Variants in SEPTIN14 observed in about 807,000 individuals in gnomAD.
SEPTIN14 encodes septin 14.
In SEPTIN14, 40 loss-of-function variants were observed where a neutral mutation model predicts 53.6. That is an observed-to-expected ratio of 0.75 (90% CI 0.58 to 0.97). The LOEUF (loss-of-function observed/expected upper bound fraction) is 0.97. SEPTIN14 is among the 50% of genes least tolerant of loss of function. The pLI is 0.00. For missense variants in SEPTIN14, 471 were observed against 508.2 expected, an observed-to-expected ratio of 0.93 and a Z score of 0.70; for synonymous variants, 138 against 166.8, an observed-to-expected ratio of 0.83 and a Z score of 1.33.
At chr7:55,817,618 C>T (rs1375473122) in intron 7 of SEPTIN14, among the ~76,000 whole-genome samples, 9 of 151,668 alleles carry the variant, frequency 5.9e-5, no homozygotes, top group African/African-American at 1.9e-4. Flanking sequence ...TACAGGTGCC[C>T]GCCACCATGC....
intron 2 of SEPTIN14, among the ~76,000 whole-genome samples, chr7:55,856,807 T>A (rs1032558954): frequency 6.6e-6 from 1 of 151,860 alleles, no homozygotes; most frequent in Non-Finnish European, 1.5e-5. Flanking sequence ...GTGTGGTGGC[T>A]CACACCCATA....
chr7:55,835,103 A>G (rs1261541910), intron 5 of SEPTIN14, among the ~76,000 whole-genome samples: 1 of 152,150 alleles, frequency 6.6e-6, no homozygotes, highest in Non-Finnish European at 1.5e-5. Context: ...AGAAGTCTCA[A>G]CCTTGTTTCT....
Position 55,836,501 on chromosome 7 carries a change from G to T in SEPTIN14, c.559-1915C>A, listed in dbSNP as rs553394719. Reference sequence around the variant, plus strand: ...CGCCTGTAATCCCAGCACTTTGGGAGGCCAAGACTGGCAGATCACCTGGGG... The same window carrying T: ...CGCCTGTAATCCCAGCACTTTGGGATGCCAAGACTGGCAGATCACCTGGGG... On this transcript the variant is annotated intron_variant, in intron 5 of 9. Coordinates refer to ENST00000388975, the MANE Select transcript of SEPTIN14 (RefSeq NM_207366.3). Among the ~76,000 whole-genome samples the T allele has an allele frequency of 2.0e-5, 3 of 152,314 alleles. No individual in the cohort carries two copies. The South Asian group carries it at 6.2e-4, about 32-fold the overall frequency.
intron 2 of SEPTIN14, among the ~76,000 whole-genome samples, chr7:55,848,564 G>A (rs1789463059): frequency 6.6e-6 from 1 of 151,626 alleles, no homozygotes; most frequent in Non-Finnish European, 1.5e-5. Context: ...CCAAAGGGCT[G>A]GGATTACAAG....
intron 5 of SEPTIN14, among the ~76,000 whole-genome samples, chr7:55,839,660 C>T (rs1789273656): frequency 1.3e-5 from 2 of 152,120 alleles, no homozygotes; most frequent in Non-Finnish European, 2.9e-5. Flanking sequence ...CACTGGGGAT[C>T]TTGTAACTTA....
chr7:55,857,372 C>T (rs1562722162), intron 2 of SEPTIN14, among the ~76,000 whole-genome samples: 3 of 133,990 alleles, frequency 2.2e-5, no homozygotes, highest in East Asian at 2.9e-4. Context: ...AACTCTGTCT[C>T]GAAAAGAAAA....
chr7:55,838,527 CCCTCCCTTCCT>C (rs1353008571), intron 5 of SEPTIN14, among the ~76,000 whole-genome samples: 1 of 105,854 alleles, frequency 9.4e-6, no homozygotes, highest in Non-Finnish European at 1.9e-5. Flanking sequence ...CCTCCCTCCC[CCCTCCCTTCCT>C]CCCTCCCTTC....
At chr7:55,809,112 C>G (rs146629173) in intron 7 of SEPTIN14, among the ~76,000 whole-genome samples, 13,621 of 151,996 alleles carry the variant, frequency 0.09, 1,567 homozygotes, top group African/African-American at 0.26. Flanking sequence ...TCCTTTGCAG[C>G]AACATGAATG....
intron 9 of SEPTIN14, chr7:55,798,530 T>G (rs1048789695): frequency 3.3e-5 from 11 of 337,612 alleles, no homozygotes; most frequent in Non-Finnish European, 5.2e-5. Flanking sequence ...TCAGGCCCAG[T>G]CTCTCAGTGC....
intron 2 of SEPTIN14, among the ~76,000 whole-genome samples, chr7:55,849,543 T>G (rs186537873): frequency 2.7e-5 from 4 of 150,578 alleles, no homozygotes; most frequent in African/African-American, 9.8e-5. Flanking sequence ...GTCAGGAGTT[T>G]GAGACCAGCC....
rs769690552 is a variant in SEPTIN14, at chr7:55,796,035, C to T, written c.1177G>A (p.Glu393Lys). 9 of 1,523,288 alleles carry T rather than the reference C, an allele frequency of 5.9e-6. No individual in the cohort carries two copies. Among genetic ancestry groups the T allele is most frequent in the Non-Finnish European group, 8.1e-6 (9 of 1,113,886 alleles). 94.4% of individuals were successfully genotyped at this position (1,523,288 alleles called of 1,614,324 possible). A position where few individuals can be genotyped will look rare whatever the true frequency, so the allele number is the denominator to read the frequency against. The stretch of plus-strand genomic sequence containing the variant: ...CCTTCCAGTTGTTTTTTCTCTTCCT[C>T]GAGCTTCCTTATCTCCTCCTGTTGA... ...MIQQEEIRKLEEEKKQLEGEI... is the reference protein window; with the variant it reads ...MIQQEEIRKLKEEKKQLEGEI... Residue 393 changes from glutamate to lysine, a missense_variant, in exon 10 of 10, where the codon GAG becomes AAG. Coordinates refer to ENST00000388975, the MANE Select transcript of SEPTIN14 (RefSeq NM_207366.3).
chr7:55,815,323 A>C (rs1788773681), intron 7 of SEPTIN14, among the ~76,000 whole-genome samples: 1 of 152,174 alleles, frequency 6.6e-6, no homozygotes, highest in African/African-American at 2.4e-5. Context: ...CGAAACAACA[A>C]AGTGAAGAAA....
chr7:55,840,724 A>C (rs940346926), intron 5 of SEPTIN14, among the ~76,000 whole-genome samples: 3 of 152,126 alleles, frequency 2.0e-5, no homozygotes, highest in Admixed American at 1.3e-4. Context: ...CACTGATGCA[A>C]ATGCCTCAAA....
chr7:55,819,015 G>C lies in SEPTIN14; in HGVS notation c.817+112C>G, dbSNP rs1361133680. 4.6e-6 allele frequency: 3 copies of C among 658,538 alleles called. No individual in the cohort carries two copies. In the Admixed American group the frequency reaches 7.9e-5, roughly 17 times the overall value. 40.8% of individuals were successfully genotyped at this position (658,538 alleles called of 1,614,324 possible). ...CCCCATTAGTAACTGTTAACTTACA[G>C]ATTAGCAAGAGTTACCAATATTAGT... is the stretch of plus-strand genomic sequence containing the variant. On this transcript the variant is annotated intron_variant, in intron 7 of 9. Transcript: ENST00000388975.
In SEPTIN14 at chr7:55,795,877, A is replaced by G. The variant is rs1024982256; in HGVS notation, c.*36T>C. ...ACAATCTCACAGGAAGTTGCGATGTAGAATGATAGGGCTCTCAGAATAGTA... is the reference window on the plus strand; with the variant it reads ...ACAATCTCACAGGAAGTTGCGATGTGGAATGATAGGGCTCTCAGAATAGTA... On this transcript the variant is annotated 3_prime_UTR_variant, in exon 10 of 10. Transcript: ENST00000388975. The G allele has an allele frequency of 7.0e-6, 10 of 1,435,566 alleles. No homozygotes were observed. The highest frequency in any genetic ancestry group is 9.6e-6 in the Non-Finnish European group (10 of 1,037,908). The allele number at this position is 1,435,566 out of a possible 1,614,324, so 88.9% of individuals were successfully genotyped here. A position where few individuals can be genotyped will look rare whatever the true frequency, so the allele number is the denominator to read the frequency against.
intron 9 of SEPTIN14, among the ~76,000 whole-genome samples, chr7:55,802,418 C>G (rs1178913190): frequency 6.6e-6 from 1 of 152,140 alleles, no homozygotes; most frequent in Non-Finnish European, 1.5e-5. Context: ...GATGAGCCAA[C>G]TAGGAAATCC....
At chr7:55,843,678 A>G (rs937366271) in intron 4 of SEPTIN14, among the ~76,000 whole-genome samples, 1 of 152,172 alleles carries the variant, frequency 6.6e-6, no homozygotes, top group Non-Finnish European at 1.5e-5. Flanking sequence ...CTAAAAATAC[A>G]AAAATTATCT....
At chr7:55,855,007 C>CT (rs59769448) in intron 2 of SEPTIN14, among the ~76,000 whole-genome samples, 5,522 of 136,666 alleles carry the variant, frequency 0.04, 222 homozygotes, top group African/African-American at 0.089. Flanking sequence ...AAGATCACAA[C>CT]TTTTTTTTTT....
chr7:55,851,150 T>C (rs1216903381), intron 2 of SEPTIN14, among the ~76,000 whole-genome samples: 1 of 152,150 alleles, frequency 6.6e-6, no homozygotes, highest in Non-Finnish European at 1.5e-5. Context: ...TCAGCTAGCT[T>C]TATTGAGGAA....
Sources: allele counts gnomAD v4.1 joint callset (sites outside exome capture counted in the v4.1 genomes callset), GRCh38; gene constraint gnomAD v4.1.1; transcripts MANE v1.5; gene names NCBI Gene and HGNC (gene_info 2026-07-23, HGNC 2026-07-21).